The following TRIM17 variants were observed in gnomAD, a reference collection of about 807,000 sequenced individuals.
TRIM17 encodes the protein tripartite motif containing 17, also known as E3 ubiquitin-protein ligase TRIM17.
Under a neutral mutation model 35.8 loss-of-function variants are expected in TRIM17, and 27 were observed. The observed-to-expected ratio is 0.75, with a 90% CI of 0.56 to 1.04. The LOEUF (loss-of-function observed/expected upper bound fraction) is 1.04. Ranked by LOEUF, TRIM17 falls within the 50% of genes least tolerant of loss-of-function variation. TRIM17 has a pLI of 0.00. For synonymous variants in TRIM17, 246 were observed against 252.6 expected, an observed-to-expected ratio of 0.97 and a Z score of 0.25; for missense variants, 582 against 612.8, an observed-to-expected ratio of 0.95 and a Z score of 0.53.
At chr1:228,415,444 C>T (rs1292038054) in intron 1 of TRIM17, 1 of 199,446 alleles carries the variant, frequency 5.0e-6, no homozygotes, top group African/African-American at 2.3e-5. Flanking sequence ...GGCCTTCAAC[C>T]TGCCTTTCTG....
rs747294361 is a variant in TRIM17 at position 228,408,285 on chromosome 1, G to A, written c.1350C>T (p.Gly450=). Residue 450 remains glycine (G), a synonymous_variant, in exon 7 of 7, where the codon GGC becomes GGT. Coordinates refer to ENST00000366698, the MANE Select transcript of TRIM17 (RefSeq NM_016102.4). The surrounding 1 kb of genome is among the most constrained non-coding windows in gnomAD (Gnocchi z 6.3). ...CCAGGCAGAAGAAAGGCTGCAGGGG[G>A]CCTGGGAAGGTGGCCTGGGAGTAGG... ...LHTYSQATFP[G]PLQPFFCLGA... The A allele has an allele frequency of 3.7e-6, 6 of 1,602,424 alleles. No individual in the cohort carries two copies. Among genetic ancestry groups the A allele is most frequent in the Non-Finnish European group, 4.3e-6 (5 of 1,172,832 alleles).
At position 228,411,065 on chromosome 1, in the gene TRIM17, CCTCTT is replaced by C. The variant is rs1469880215; in HGVS notation, c.632_636del (p.Glu211GlyfsTer76). On this transcript the variant is annotated frameshift_variant, in exon 4 of 7. Coordinates refer to ENST00000366698, the MANE Select transcript of TRIM17 (RefSeq NM_016102.4). LOFTEE classifies it high-confidence loss of function. This position sits in a 1 kb window ranked among gnomAD's most constrained non-coding sequence, Gnocchi z 4.2. ...CTCTCCCGGAGCCTGCTGGCAGTCT[CCTCTT>C]CTTCCGTCTCCAGAGCCTGGAGGAG... is the stretch of plus-strand genomic sequence containing the variant. The C allele has an allele frequency of 4.3e-6, 7 of 1,613,836 alleles. No homozygotes were observed. Among genetic ancestry groups the C allele is most frequent in the Non-Finnish European group, 5.9e-6 (7 of 1,180,030 alleles).
chr1:228,413,714 A>T (rs1656915781), intron 3 of TRIM17, 83 bp downstream of exon 3: 1 of 1,165,388 alleles, frequency 8.6e-7, no homozygotes, highest in African/African-American at 1.5e-5. Flanking sequence ...GCGGCAGCAT[A>T]TCCCCACGGG....
At chr1:228,409,109 G>C (rs1331608149) in intron 6 of TRIM17, 63 bp downstream of exon 6, 2 of 1,613,916 alleles carry the variant, frequency 1.2e-6, no homozygotes, top group Non-Finnish European at 1.7e-6. Context: ...GAGGCTAGGG[G>C]GTACAGTGGG....
At chr1:228,414,581 G>T in intron 2 of TRIM17, 63 bp downstream of exon 2, 1 of 1,438,874 alleles carries the variant, frequency 6.9e-7, no homozygotes, top group South Asian at 1.2e-5. Flanking sequence ...CATGATCTGG[G>T]TCACCTTGTC....
intron 1 of TRIM17, 85 bp from the exon 2 acceptor site, chr1:228,415,198 G>C: frequency 9.0e-7 from 1 of 1,115,114 alleles, no homozygotes; most frequent in South Asian, 1.7e-5. Flanking sequence ...TACAGAGGAG[G>C]GCTAGGACTG....
rs765893364 is a variant in TRIM17, at chr1:228,411,200, A to G, written c.526-24T>C. 2 of 1,572,454 alleles carry G rather than the reference A, an allele frequency of 1.3e-6. No individual in the cohort carries two copies. Among genetic ancestry groups the G allele is most frequent in the Non-Finnish European group, 8.7e-7 (1 of 1,155,916 alleles). On this transcript the variant is annotated intron_variant, in intron 3 of 6. Transcript: ENST00000366698. The surrounding 1 kb of genome is among the most constrained non-coding windows in gnomAD (Gnocchi z 4.2). ...CCCTGCAGGAGTGGAGAAGCCCAGC[A>G]TGTTGCCAGCAGGTGGCTCAGCTCC... is the stretch of plus-strand genomic sequence containing the variant.
At chr1:228,409,458 C>A (rs1395263014) in intron 4 of TRIM17, 47 bp from the exon 5 acceptor site, 1 of 1,468,888 alleles carries the variant, frequency 6.8e-7, no homozygotes, top group Non-Finnish European at 9.0e-7. Context: ...AAGCTCCTGG[C>A]TCACCTCAAT....
intron 2 of TRIM17, among the ~76,000 whole-genome samples, chr1:228,414,408 C>CT (rs1207378757): frequency 1.3e-5 from 2 of 152,238 alleles, no homozygotes; most frequent in Non-Finnish European, 2.9e-5. Context: ...CCAAAATACT[C>CT]TGAGAGGAGA....
rs1657039997 is a variant in TRIM17 at position 228,415,286 on chromosome 1, C to T, written c.-41-173G>A. ...CACAGATGCCTCCCCAGAAACTACA[C>T]AGACCCTCCCTGACCAATGCTCTGC... On this transcript the variant is annotated intron_variant, in intron 1 of 6. Transcript: ENST00000366698. The T allele has an allele frequency of 6.8e-6, 4 of 584,734 alleles. No individual in the cohort carries two copies. In the Admixed American group the frequency reaches 1.2e-4, roughly 18 times the overall value. 36.2% of individuals were successfully genotyped at this position (584,734 alleles called of 1,614,324 possible). A position where few individuals can be genotyped will look rare whatever the true frequency, so the allele number is the denominator to read the frequency against.
At position 228,408,612 on chromosome 1, in the gene TRIM17, C is replaced by T; in HGVS notation, c.1023G>A (p.Val341=). ...KDRFVAYPCA[V]GQTAFSSGRH... ...TCCCAGAGGAGAAGGCCGTCTGGCC[C>T]ACAGCACAGGGGTAAGCCACAAATC... The change falls in exon 7 of 7, where the codon GTG becomes GTA. Residue 341 remains valine, a synonymous_variant. Coordinates refer to ENST00000366698, the MANE Select transcript of TRIM17 (RefSeq NM_016102.4). This position sits in a 1 kb window ranked among gnomAD's most constrained non-coding sequence, Gnocchi z 6.3. The T allele has an allele frequency of 1.2e-6, 2 of 1,613,864 alleles. No homozygotes were observed. The highest frequency in any genetic ancestry group is 1.7e-6 in the Non-Finnish European group (2 of 1,180,032).
Position 228,410,503 on chromosome 1 carries a change from G to T in TRIM17, c.756+443C>A, listed in dbSNP as rs1475868151. 6.6e-6 allele frequency among the ~76,000 whole-genome samples: 1 copy of T among 151,938 alleles called. No individual in the cohort carries two copies. The highest frequency in any genetic ancestry group is 1.5e-5 in the Non-Finnish European group (1 of 67,994). On this transcript the variant is annotated intron_variant, in intron 4 of 6. Coordinates refer to ENST00000366698, the MANE Select transcript of TRIM17 (RefSeq NM_016102.4). This position sits in a 1 kb window ranked among gnomAD's most constrained non-coding sequence, Gnocchi z 4.6. ...CACCTCTCTGGACTTGGAAGGAAAT[G>T]GGGACACTGTCTCAGGTTGGAACCT... is the stretch of plus-strand genomic sequence containing the variant.
In TRIM17 at chr1:228,413,875, G is replaced by A; in HGVS notation, c.447C>T (p.Asp149=). Reference sequence around the variant, plus strand: ...TGATCTGCTCCCGAAGGTACTCCATGTCCTCCTCCAGCTTCAACTGTGGGA... The same window carrying A: ...TGATCTGCTCCCGAAGGTACTCCATATCCTCCTCCAGCTTCAACTGTGGGA... The part of the protein sequence containing the change: ...VQGYKLKLEE[D]MEYLREQITR... Residue 149 remains aspartate (D), a synonymous_variant, in exon 3 of 7, where the codon GAC becomes GAT. Transcript: ENST00000366698. The A allele has an allele frequency of 6.2e-7, 1 of 1,614,148 alleles. No homozygotes were observed.
At position 228,410,745 on chromosome 1, in the gene TRIM17, C is replaced by T. The variant is rs1056752361; in HGVS notation, c.756+201G>A. ...ATGCCATGAGGACGCGGGGAGGAGA[C>T]GGCATCTTCAGGCCTAGGAGAGAGG... is the stretch of plus-strand genomic sequence containing the variant. On this transcript the variant is annotated intron_variant, in intron 4 of 6. Coordinates refer to ENST00000366698, the MANE Select transcript of TRIM17 (RefSeq NM_016102.4). This position sits in a 1 kb window ranked among gnomAD's most constrained non-coding sequence, Gnocchi z 4.6. Among the ~76,000 whole-genome samples the T allele has an allele frequency of 1.3e-5, 2 of 152,134 alleles. No homozygotes were observed. Among genetic ancestry groups the T allele is most frequent in the Non-Finnish European group, 2.9e-5 (2 of 68,014 alleles).
chr1:228,412,937 G>A (rs756695366), intron 3 of TRIM17, among the ~76,000 whole-genome samples: 12 of 152,076 alleles, frequency 7.9e-5, no homozygotes, highest in East Asian at 1.9e-4. Flanking sequence ...CTGGCCTGGC[G>A]CGATGACTTA....
rs1023084790 is a variant in TRIM17, at chr1:228,410,159, C to T, written c.757-748G>A. On this transcript the variant is annotated intron_variant, in intron 4 of 6. Coordinates refer to ENST00000366698, the MANE Select transcript of TRIM17 (RefSeq NM_016102.4). This position sits in a 1 kb window ranked among gnomAD's most constrained non-coding sequence, Gnocchi z 4.6. Reference sequence around the variant, plus strand: ...CATCACCCAGGGTGGAGTGCAGTGGCGCAATAGCTCACTACAGCCTTGAAC... The same window carrying T: ...CATCACCCAGGGTGGAGTGCAGTGGTGCAATAGCTCACTACAGCCTTGAAC... 6.6e-4 allele frequency among the ~76,000 whole-genome samples: 99 copies of T among 151,044 alleles called. No homozygotes were observed. The highest frequency in any genetic ancestry group is 2.3e-3 in the African/African-American group (94 of 41,116).
intron 1 of TRIM17, chr1:228,415,583 G>A (rs1657064135): frequency 6.5e-6 from 1 of 153,920 alleles, no homozygotes; most frequent in Non-Finnish European, 1.4e-5. Flanking sequence ...TGTCTTTGCT[G>A]GCGCAACTCT....
Position 228,414,801 on chromosome 1 carries a change from G to C in TRIM17, c.272C>G (p.Pro91Arg), listed in dbSNP as rs749523899. 2.6e-5 allele frequency: 42 copies of C among 1,613,254 alleles called. No homozygotes were observed. Among genetic ancestry groups the C allele is most frequent in the Admixed American group, 3.3e-5 (2 of 60,014 alleles). The change falls in exon 2 of 7, where the codon CCT becomes CGT. Residue 91 changes from proline (P) to arginine (R), a missense_variant. Physicochemically the swap from Pro to Arg is moderately radical, Grantham distance 103. Transcript: ENST00000366698. ...GCACAGGTCTTGCTTCTGCAGACCA[G>C]GATGCTGCTGCGCCATCTCGGCCAC... ...TKVAEMAQQH[P>R]GLQKQDLCQE...
Position 228,408,528 on chromosome 1 carries a change from C to G in TRIM17, c.1107G>C (p.Val369=), listed in dbSNP as rs767742692. ...ITGDALWALG[V]CRDNVSRKDR... is the part of the protein sequence containing the mutation. ...CTTTCCGGCTCACGTTGTCCCTGCACACACCCAGGGCCCACAACGCGTCCC... is the reference window on the plus strand; with the variant it reads ...CTTTCCGGCTCACGTTGTCCCTGCAGACACCCAGGGCCCACAACGCGTCCC... Residue 369 remains valine, a synonymous_variant, in exon 7 of 7, where the codon GTG becomes GTC. Transcript: ENST00000366698. This position sits in a 1 kb window ranked among gnomAD's most constrained non-coding sequence, Gnocchi z 6.3. 5.0e-6 allele frequency: 8 copies of G among 1,614,024 alleles called. No individual in the cohort carries two copies. The African/African-American group carries it at 1.1e-4, about 22-fold the overall frequency.
Sources: gnomAD v4.1 joint callset for allele counts (sites outside exome capture counted in the v4.1 genomes callset) on GRCh38, gnomAD v4.1.1 for gene constraint, Gnocchi (gnomAD v3.1) non-coding constraint, MANE v1.5 for transcripts, NCBI Gene and HGNC (gene_info 2026-07-23, HGNC 2026-07-21) for gene names.